The following MAGI1 variants were observed in gnomAD, a reference collection of about 807,000 sequenced individuals.
MAGI1 encodes membrane-associated guanylate kinase, WW and PDZ domain-containing protein 1.
In MAGI1, 58 loss-of-function variants were observed where a neutral mutation model predicts 139.9. That is an observed-to-expected ratio of 0.41 (90% CI 0.34 to 0.52). The LOEUF is 0.52. Among genes scored for constraint, MAGI1 ranks in the 20% least tolerant of loss-of-function variants. MAGI1 has a pLI of 0.12. For synonymous variants in MAGI1, 812 were observed against 737.9 expected (o/e 1.10, Z -1.63); for missense variants, 1,874 against 1,901.6 (o/e 0.99, Z 0.27).
At position 65,638,673 on chromosome 3, in the gene MAGI1, G is replaced by A. The variant is rs962509290; in HGVS notation, c.314-16585C>T. Among the ~76,000 whole-genome samples the A allele has an allele frequency of 5.2e-5, 7 of 133,586 alleles. No individual in the cohort carries two copies. In the East Asian group the frequency reaches 1.2e-3, roughly 23 times the overall value. The allele number at this position is 133,586 out of a possible 152,430, so 87.6% of individuals were successfully genotyped here. A position where few individuals can be genotyped will look rare whatever the true frequency, so the allele number is the denominator to read the frequency against. Reference sequence around the variant, plus strand: ...CACCCAGGCTGGAGTGCAGTGGTGCGATCTCAGCTCACTGCAACCTCCTCC... The same window carrying A: ...CACCCAGGCTGGAGTGCAGTGGTGCAATCTCAGCTCACTGCAACCTCCTCC... On this transcript the variant is annotated intron_variant, in intron 1 of 22. Transcript: ENST00000402939.
At chr3:66,009,823 T>G (rs567432621) in intron 1 of MAGI1, among the ~76,000 whole-genome samples, 2 of 152,172 alleles carry the variant, frequency 1.3e-5, no homozygotes, top group African/African-American at 2.4e-5. Flanking sequence ...TCCCAGCACT[T>G]TGGGAGGCCG....
chr3:65,943,003 G>A (rs540691063), intron 1 of MAGI1, among the ~76,000 whole-genome samples: 31 of 152,072 alleles, frequency 2.0e-4, no homozygotes, highest in African/African-American at 5.8e-4. Flanking sequence ...CCTGGGTGGT[G>A]GAGGGAGACT....
chr3:65,671,192 C>T lies in MAGI1; in HGVS notation c.314-49104G>A, dbSNP rs368230410. Reference sequence around the variant, plus strand: ...GATTATGTTGCCTAGTACTACAGAGCTGGTAAGAGCTAAAATTTGAACCGG... The same window carrying T: ...GATTATGTTGCCTAGTACTACAGAGTTGGTAAGAGCTAAAATTTGAACCGG... On this transcript the variant is annotated intron_variant, in intron 1 of 22. Transcript: ENST00000402939. 1.7e-4 allele frequency among the ~76,000 whole-genome samples: 26 copies of T among 152,284 alleles called. No individual in the cohort carries two copies. In the East Asian group the frequency reaches 3.9e-3, roughly 23 times the overall value.
chr3:65,673,414 A>G (rs2086987135), intron 1 of MAGI1, among the ~76,000 whole-genome samples: 1 of 152,238 alleles, frequency 6.6e-6, no homozygotes, highest in African/African-American at 2.4e-5. Context: ...AAATATTTAT[A>G]GTTCAACTAC....
At chr3:65,964,965 G>A (rs900907815) in intron 1 of MAGI1, among the ~76,000 whole-genome samples, 1 of 152,168 alleles carries the variant, frequency 6.6e-6, no homozygotes, top group African/African-American at 2.4e-5. Flanking sequence ...CTACTTCTAG[G>A]TACTGATGAT....
intron 1 of MAGI1, among the ~76,000 whole-genome samples, chr3:65,771,929 G>A (rs776771261): frequency 2.0e-5 from 3 of 152,164 alleles, no homozygotes; most frequent in Non-Finnish European, 4.4e-5. Flanking sequence ...CTGGCCAGGC[G>A]CGGTGGCTCA....
intron 1 of MAGI1, among the ~76,000 whole-genome samples, chr3:65,623,405 AATC>A (rs370098715): frequency 1.3e-5 from 2 of 152,214 alleles, no homozygotes; most frequent in East Asian, 3.8e-4. Flanking sequence ...CATTTGAAAA[AATC>A]ATAATCACAA....
chr3:66,015,352 T>C (rs1239748084), intron 1 of MAGI1, among the ~76,000 whole-genome samples: 10 of 152,146 alleles, frequency 6.6e-5, no homozygotes, highest in Admixed American at 6.5e-4. Flanking sequence ...CCTTACGTCC[T>C]GCAGGCATCC....
At chr3:65,451,121 AAAGAT>A (rs773130543) in intron 6 of MAGI1, among the ~76,000 whole-genome samples, 1 of 152,204 alleles carries the variant, frequency 6.6e-6, no homozygotes, top group Non-Finnish European at 1.5e-5. Context: ...ATTAACACAA[AAAGAT>A]AAGAATTTTA....
At chr3:65,948,209 G>C (rs1186764556) in intron 1 of MAGI1, among the ~76,000 whole-genome samples, 5 of 152,050 alleles carry the variant, frequency 3.3e-5, no homozygotes, top group African/African-American at 1.2e-4. Flanking sequence ...CTCCCAAAGG[G>C]CTGGGATTAC....
intron 1 of MAGI1, among the ~76,000 whole-genome samples, chr3:65,796,353 C>T (rs890740890): frequency 2.6e-5 from 4 of 152,184 alleles, no homozygotes; most frequent in African/African-American, 4.8e-5. Flanking sequence ...CCAATGTAAA[C>T]GTTATTCTTA....
chr3:65,570,568 G>T (rs1166867253), intron 2 of MAGI1, among the ~76,000 whole-genome samples: 3 of 152,114 alleles, frequency 2.0e-5, no homozygotes, highest in Admixed American at 6.6e-5. Context: ...AAATCAGATT[G>T]AACACATGGA....
chr3:65,516,368 T>G (rs142582289), intron 2 of MAGI1, among the ~76,000 whole-genome samples: 2,034 of 152,036 alleles, frequency 0.013, 50 homozygotes, highest in African/African-American at 0.046. Flanking sequence ...TTAGTAGAGA[T>G]AGGGTTTCAC....
intron 12 of MAGI1, among the ~76,000 whole-genome samples, chr3:65,409,167 C>A (rs895858666): frequency 6.6e-6 from 1 of 152,208 alleles, no homozygotes; most frequent in African/African-American, 2.4e-5. Context: ...CCTAGCAAAG[C>A]ATCACTAAGA....
intron 3 of MAGI1, among the ~76,000 whole-genome samples, chr3:65,488,541 AT>A (rs1209583105): frequency 2.0e-5 from 3 of 151,204 alleles, no homozygotes; most frequent in Non-Finnish European, 4.4e-5. Flanking sequence ...GGATTTTACC[AT>A]GTTGGCCAGG....
At chr3:65,454,526 TATAATAATAATAATA>T (rs35819390) in intron 5 of MAGI1, among the ~76,000 whole-genome samples, 8 of 83,138 alleles carry the variant, frequency 9.6e-5, no homozygotes, top group Non-Finnish European at 1.8e-4. Context: ...AAACTGAAAG[TATAATAATAATAATA>T]ATAATAATAA....
chr3:65,900,965 G>C (rs967414928), intron 1 of MAGI1, among the ~76,000 whole-genome samples: 1 of 152,216 alleles, frequency 6.6e-6, no homozygotes, highest in Admixed American at 6.5e-5. Flanking sequence ...GAAGAATGAA[G>C]TAAGAGCGCA....
intron 1 of MAGI1, among the ~76,000 whole-genome samples, chr3:66,019,480 C>G (rs147220669): frequency 2.2e-4 from 33 of 152,332 alleles, no homozygotes; most frequent in Non-Finnish European, 4.1e-4. Flanking sequence ...TTTAACAGCA[C>G]AGGCTCTGCA....
At chr3:65,617,437 G>A (rs533866826) in intron 2 of MAGI1, among the ~76,000 whole-genome samples, 3 of 152,266 alleles carry the variant, frequency 2.0e-5, no homozygotes, top group East Asian at 3.9e-4. Flanking sequence ...TTATCTTCAT[G>A]GGAAAAGCGG....
Sources: allele counts gnomAD v4.1 joint callset (sites outside exome capture counted in the v4.1 genomes callset), GRCh38; gene constraint gnomAD v4.1.1; transcripts MANE v1.5; gene names NCBI Gene and HGNC (gene_info 2026-07-23, HGNC 2026-07-21).